SAG: variants seen among roughly 807,000 people sequenced by gnomAD.
SAG encodes S-antigen visual arrestin.
In SAG, 45 loss-of-function variants were observed where a neutral mutation model predicts 55.0. The observed-to-expected ratio is 0.82, with a 90% CI of 0.64 to 1.05. SAG has a LOEUF of 1.05. Among genes scored for constraint, SAG ranks in the 50% least tolerant of loss-of-function variants. SAG has a pLI of 0.00. For missense variants in SAG, 455 were observed against 512.1 expected, an observed-to-expected ratio of 0.89 and a Z score of 1.08; for synonymous variants, 189 against 197.4, an observed-to-expected ratio of 0.96 and a Z score of 0.36.
intron 2 of SAG, among the ~76,000 whole-genome samples, chr2:233,310,882 G>A (rs927379980): frequency 4.6e-5 from 7 of 152,002 alleles, no homozygotes; most frequent in Admixed American, 2.0e-4. Context: ...CAGGAGATCC[G>A]GCTTTGCCTG....
intron 11 of SAG, among the ~76,000 whole-genome samples, chr2:233,338,085 G>A (rs1700994679): frequency 6.6e-6 from 1 of 152,194 alleles, no homozygotes; most frequent in Non-Finnish European, 1.5e-5. Flanking sequence ...TGGGTGCTGG[G>A]GACACACAGC....
intron 11 of SAG, among the ~76,000 whole-genome samples, chr2:233,336,166 A>G (rs978855492): frequency 6.6e-6 from 1 of 152,246 alleles, no homozygotes; most frequent in Non-Finnish European, 1.5e-5. Context: ...AAGATGAACA[A>G]TGATGGCTCA....
In SAG at chr2:233,320,748, C is replaced by T. The variant is rs781781373; in HGVS notation, c.300C>T (p.Ala100=). The change falls in exon 5 of 16, where the codon GCC becomes GCT. Residue 100 remains alanine, a synonymous_variant. Transcript: ENST00000409110. ...SRVQVYPPVG[A]ASTPTKLQES... is the part of the protein sequence containing the mutation. Reference sequence around the variant, plus strand: ...TCCAGGTGTATCCTCCTGTGGGGGCCGCGAGCACCCCCACAAAACTGCAAG... The same window carrying T: ...TCCAGGTGTATCCTCCTGTGGGGGCTGCGAGCACCCCCACAAAACTGCAAG... 1.5e-5 allele frequency: 24 copies of T among 1,606,038 alleles called. No homozygotes were observed. Among genetic ancestry groups the T allele is most frequent in the Non-Finnish European group, 1.8e-5 (21 of 1,176,510 alleles).
rs1700718400 is a variant in SAG, at chr2:233,330,480, CCTTCCTTCCTTCCTTCCTT to C, written c.733+905_733+923del. Among the ~76,000 whole-genome samples the C allele has an allele frequency of 3.0e-4, 6 of 20,090 alleles. No individual in the cohort carries two copies. The South Asian group carries it at 4.6e-3, about 15-fold the overall frequency. 13.2% of individuals were successfully genotyped at this position (20,090 alleles called of 152,430 possible). A position where few individuals can be genotyped will look rare whatever the true frequency, so the allele number is the denominator to read the frequency against. On this transcript the variant is annotated intron_variant, in intron 9 of 15. Transcript: ENST00000409110. ...TTCTAGACTTTTCCCTCCCTCCCTTCCTTCCTTCCTTCCTTCCTTCCTTCCTTCCTTCCTTCCTTCCTTC... is the reference window on the plus strand; with the variant it reads ...TTCTAGACTTTTCCCTCCCTCCCTTCCCTTCCTTCCTTCCTTCCTTCCTTC...
intron 15 of SAG, 115 bp from the exon 16 acceptor site, chr2:233,346,692 T>C: frequency 1.2e-6 from 1 of 815,212 alleles, no homozygotes; most frequent in Admixed American, 2.0e-5. Context: ...GCCCCCATGT[T>C]CTATCATGGG....
At chr2:233,335,249 C>A in intron 11 of SAG, 150 bp downstream of exon 11, 1 of 1,066,888 alleles carries the variant, frequency 9.4e-7, no homozygotes, top group Non-Finnish European at 1.3e-6. Flanking sequence ...TACGGGCCCA[C>A]ACAAGGATCC....
rs1701067161 is a variant in SAG at position 233,340,559 on chromosome 2, A to T, written c.1046+81A>T. On this transcript the variant is annotated intron_variant, in intron 13 of 15. Coordinates refer to ENST00000409110, the MANE Select transcript of SAG (RefSeq NM_000541.5). This position sits in a 1 kb window ranked among gnomAD's most constrained non-coding sequence, Gnocchi z 4.2. The stretch of plus-strand genomic sequence containing the variant: ...ACTTGGGGCTCCAAAACGGTTTCTG[A>T]TGAAAGCTGCTTTCTGGACAGTTGT... 9.1e-6 allele frequency: 10 copies of T among 1,095,772 alleles called. No homozygotes were observed. In the South Asian group the frequency reaches 1.3e-4, roughly 14 times the overall value. The allele number at this position is 1,095,772 out of a possible 1,614,324, so 67.9% of individuals were successfully genotyped here.
chr2:233,335,853 C>T (rs541506325), intron 11 of SAG, among the ~76,000 whole-genome samples: 10 of 152,322 alleles, frequency 6.6e-5, no homozygotes, highest in Middle Eastern at 3.4e-3. Flanking sequence ...TGCCACCTCC[C>T]CATGTGATAT....
rs199610688 is a variant in SAG at position 233,316,048 on chromosome 2, T to A, written c.76-27T>A. 312 of 1,483,498 alleles carry A rather than the reference T, an allele frequency of 2.1e-4. No homozygotes were observed. The African/African-American group carries it at 4.0e-3, about 19-fold the overall frequency. 91.9% of individuals were successfully genotyped at this position (1,483,498 alleles called of 1,614,324 possible). Reference sequence around the variant, plus strand: ...GCCTTAGCTTAGCATTCTTTGGCCCTTAGACCCACACCTGTTCTTCTTGCA... The same window carrying A: ...GCCTTAGCTTAGCATTCTTTGGCCCATAGACCCACACCTGTTCTTCTTGCA... On this transcript the variant is annotated intron_variant, in intron 2 of 15. Transcript: ENST00000409110.
intron 5 of SAG, among the ~76,000 whole-genome samples, chr2:233,321,357 C>T (rs1384169038): frequency 1.3e-5 from 2 of 152,162 alleles, no homozygotes; most frequent in Non-Finnish European, 2.9e-5. Flanking sequence ...GGGAAGCTAC[C>T]ATCTGCTTTA....
At chr2:233,315,709 T>TC (rs1700199220) in intron 2 of SAG, among the ~76,000 whole-genome samples, 1 of 150,330 alleles carries the variant, frequency 6.7e-6, no homozygotes, top group African/African-American at 2.4e-5. Context: ...TTTCTTTCTT[T>TC]TTTTTTTTTT....
intron 14 of SAG, chr2:233,342,582 G>A (rs999975374): frequency 1.2e-4 from 62 of 502,112 alleles, no homozygotes; most frequent in Middle Eastern, 1.1e-3. Context: ...GGACAATCTC[G>A]TGAGGTTTTA....
intron 2 of SAG, 113 bp downstream of exon 2, chr2:233,309,377 G>A (rs1044738358): frequency 2.0e-5 from 19 of 954,478 alleles, no homozygotes; most frequent in African/African-American, 3.3e-5. Flanking sequence ...GGGCCAGGGC[G>A]CGGTGGCTCA....
At chr2:233,313,384 G>A (rs1055559976) in intron 2 of SAG, among the ~76,000 whole-genome samples, 14 of 152,190 alleles carry the variant, frequency 9.2e-5, no homozygotes, top group Admixed American at 9.2e-4. Context: ...TCTCAGGGTG[G>A]CCACGCACAA....
At chr2:233,314,866 C>G (rs1700175046) in intron 2 of SAG, among the ~76,000 whole-genome samples, 1 of 152,178 alleles carries the variant, frequency 6.6e-6, no homozygotes, top group Non-Finnish European at 1.5e-5. Flanking sequence ...TAGGCCGTTC[C>G]TGGAATTCAA....
intron 9 of SAG, among the ~76,000 whole-genome samples, 151 bp downstream of exon 9, chr2:233,329,728 G>C (rs1339414489): frequency 6.6e-6 from 1 of 152,220 alleles, no homozygotes; most frequent in Non-Finnish European, 1.5e-5. Context: ...GGACTGCGGA[G>C]GGAGAAAGGC....
chr2:233,339,118 T>A (rs1701023982), intron 12 of SAG, among the ~76,000 whole-genome samples: 1 of 152,220 alleles, frequency 6.6e-6, no homozygotes, highest in Non-Finnish European at 1.5e-5. Context: ...AATCTTCATG[T>A]TTTTGCATCT....
chr2:233,314,172 A>G (rs1305751215), intron 2 of SAG, among the ~76,000 whole-genome samples: 1 of 151,470 alleles, frequency 6.6e-6, no homozygotes, highest in Admixed American at 6.6e-5. Context: ...CAGTGAGCTG[A>G]GATAGTGCCA....
chr2:233,328,403 G>A (rs1700639822), intron 7 of SAG, 75 bp from the exon 8 acceptor site: 1 of 1,526,432 alleles, frequency 6.6e-7, no homozygotes, highest in Admixed American at 1.8e-5. Context: ...CCATGTGACA[G>A]TGGGGAGAGA....
Sources: gnomAD v4.1 joint callset for allele counts (sites outside exome capture counted in the v4.1 genomes callset) on GRCh38, gnomAD v4.1.1 for gene constraint, Gnocchi (gnomAD v3.1) non-coding constraint, MANE v1.5 for transcripts, NCBI Gene and HGNC (gene_info 2026-07-23, HGNC 2026-07-21) for gene names.